Variants in CNTNAP2 observed in about 807,000 individuals in gnomAD.
CNTNAP2 encodes contactin associated protein 2.
A neutral mutation model predicts 155.2 loss-of-function variants in CNTNAP2; 98 were observed. The observed-to-expected ratio is 0.63, with a 90% CI of 0.54 to 0.75. The LOEUF is 0.75. CNTNAP2 is among the 30% of genes least tolerant of loss of function. The pLI is 0.00. For synonymous variants in CNTNAP2, 651 were observed against 631.2 expected, an observed-to-expected ratio of 1.03 and a Z score of -0.47; for missense variants, 1,727 against 1,688.1, an observed-to-expected ratio of 1.02 and a Z score of -0.40.
rs1273200092 is a variant in CNTNAP2, at chr7:146,843,248, A to G, written c.402+3344A>G. 1.9e-3 allele frequency among the ~76,000 whole-genome samples: 227 copies of G among 122,008 alleles called. 14 individuals carry two copies. Among genetic ancestry groups the G allele is most frequent in the Middle Eastern group, 0.012 (2 of 170 alleles). 80.0% of individuals were successfully genotyped at this position (122,008 alleles called of 152,430 possible). A position where few individuals can be genotyped will look rare whatever the true frequency, so the allele number is the denominator to read the frequency against. On this transcript the variant is annotated intron_variant, in intron 3 of 23. Transcript: ENST00000361727. The stretch of plus-strand genomic sequence containing the variant: ...AGGATGGTCTCGATCTCCTGACCTC[A>G]TGATCCACCCGCCTCGGCCTCCCAA...
In CNTNAP2 at chr7:146,905,413, T is replaced by C. The variant is rs113498902; in HGVS notation, c.402+65509T>C. On this transcript the variant is annotated intron_variant, in intron 3 of 23. Transcript: ENST00000361727. The stretch of plus-strand genomic sequence containing the variant: ...TTTAATTTCCTTGATACAGAATTCT[T>C]TCTACATTCTCTTCCTATTTGGAAG... Among the ~76,000 whole-genome samples, 756 of 152,276 alleles carry C rather than the reference T, an allele frequency of 5.0e-3. 9 individuals are homozygous for C. Among genetic ancestry groups the C allele is most frequent in the African/African-American group, 0.017 (689 of 41,544 alleles).
intron 11 of CNTNAP2, among the ~76,000 whole-genome samples, chr7:147,522,874 C>A (rs1007107246): frequency 2.0e-5 from 3 of 150,990 alleles, no homozygotes; most frequent in South Asian, 4.2e-4. Context: ...CCTGGGAATA[C>A]AATATATTTG....
intron 1 of CNTNAP2, among the ~76,000 whole-genome samples, chr7:146,611,545 A>G (rs1414967122): frequency 2.0e-5 from 3 of 152,198 alleles, no homozygotes; most frequent in African/African-American, 7.2e-5. Context: ...GTCTAAAATC[A>G]GGTATATCTG....
intron 1 of CNTNAP2, among the ~76,000 whole-genome samples, chr7:146,515,635 T>G (rs1797530056): frequency 6.6e-6 from 1 of 152,080 alleles, no homozygotes; most frequent in Admixed American, 6.6e-5. Context: ...CGCTAGAATA[T>G]TGAGGAACAA....
chr7:148,124,745 T>G (rs968979775), intron 16 of CNTNAP2, among the ~76,000 whole-genome samples: 2 of 152,040 alleles, frequency 1.3e-5, no homozygotes, highest in African/African-American at 4.8e-5. Flanking sequence ...GAGCATAGAG[T>G]TGACACTGCC....
At chr7:147,558,741 C>G (rs1800000872) in intron 11 of CNTNAP2, among the ~76,000 whole-genome samples, 1 of 115,646 alleles carries the variant, frequency 8.6e-6, no homozygotes, top group African/African-American at 3.2e-5. Flanking sequence ...TCCTTCCTTC[C>G]TTTCTTCCTT....
intron 3 of CNTNAP2, among the ~76,000 whole-genome samples, chr7:146,867,433 T>C (rs1005900994): frequency 6.6e-6 from 1 of 152,194 alleles, no homozygotes; most frequent in Non-Finnish European, 1.5e-5. Flanking sequence ...GATGGGAATT[T>C]AGGTTGATTT....
chr7:147,910,491 C>A (rs1275567523), intron 14 of CNTNAP2, among the ~76,000 whole-genome samples: 2 of 152,124 alleles, frequency 1.3e-5, no homozygotes, highest in East Asian at 3.9e-4. Flanking sequence ...CAACTTTAGA[C>A]TCATCCTTAG....
intron 10 of CNTNAP2, among the ~76,000 whole-genome samples, chr7:147,414,787 A>T (rs979805475): frequency 1.3e-5 from 2 of 151,778 alleles, no homozygotes; most frequent in African/African-American, 4.8e-5. Flanking sequence ...TAAAAATACA[A>T]AAAATTAGCT....
At position 148,419,971 on chromosome 7, in the gene CNTNAP2, G is replaced by C. The variant is rs1210516942; in HGVS notation, c.*4355G>C. 3 of 152,162 alleles carry C rather than the reference G, an allele frequency of 2.0e-5. No homozygotes were observed. The highest frequency in any genetic ancestry group is 4.4e-5 in the Non-Finnish European group (3 of 68,028). 9.4% of individuals were successfully genotyped at this position (152,162 alleles called of 1,614,324 possible). A position where few individuals can be genotyped will look rare whatever the true frequency, so the allele number is the denominator to read the frequency against. On this transcript the variant is annotated 3_prime_UTR_variant, in exon 24 of 24. Transcript: ENST00000361727. ...AAATACCTTGAAACCCTTATATAAA[G>C]ACTGAAGTCAACGGAGCCTAGTGAA...
At chr7:147,625,252 T>G (rs541519119) in intron 12 of CNTNAP2, among the ~76,000 whole-genome samples, 1 of 152,020 alleles carries the variant, frequency 6.6e-6, no homozygotes, top group Admixed American at 6.5e-5. Context: ...CTAAAAAGAG[T>G]CTAATTGGAT....
At position 146,760,409 on chromosome 7, in the gene CNTNAP2, C is replaced by CTTTTTTTTTTTTTTTT. The variant is rs532820418; in HGVS notation, c.98-13844_98-13829dup. On this transcript the variant is annotated intron_variant, in intron 1 of 23. Coordinates refer to ENST00000361727, the MANE Select transcript of CNTNAP2 (RefSeq NM_014141.6). ...CACCTCTGTATCATCTCCAATTTAC[C>CTTTTTTTTTTTTTTTT]TTTTTTTTTTTTTTTTTTTTTTTTT... Among the ~76,000 whole-genome samples, 418 of 56,300 alleles carry CTTTTTTTTTTTTTTTT rather than the reference C, an allele frequency of 7.4e-3. 50 individuals are homozygous for CTTTTTTTTTTTTTTTT. Among genetic ancestry groups the CTTTTTTTTTTTTTTTT allele is most frequent in the East Asian group, 8.8e-3 (11 of 1,244 alleles). 36.9% of individuals were successfully genotyped at this position (56,300 alleles called of 152,430 possible).
intron 13 of CNTNAP2, among the ~76,000 whole-genome samples, chr7:147,833,349 G>A (rs1003181107): frequency 6.6e-6 from 1 of 152,132 alleles, no homozygotes. Flanking sequence ...TAATCTCTCC[G>A]AGCTTCAACC....
chr7:147,250,128 T>A (rs1804162875), intron 8 of CNTNAP2, among the ~76,000 whole-genome samples: 1 of 152,154 alleles, frequency 6.6e-6, no homozygotes, highest in Non-Finnish European at 1.5e-5. Context: ...GGTCTTACTC[T>A]TCACAAGCTC....
intron 10 of CNTNAP2, among the ~76,000 whole-genome samples, chr7:147,411,345 A>T (rs13231991): frequency 6.6e-6 from 1 of 152,210 alleles, no homozygotes; most frequent in South Asian, 2.1e-4. Flanking sequence ...CTAGTAAAGT[A>T]TCTGTCAGTT....
chr7:147,721,731 G>A (rs1584919320), intron 13 of CNTNAP2, among the ~76,000 whole-genome samples: 2 of 152,030 alleles, frequency 1.3e-5, no homozygotes, highest in African/African-American at 4.8e-5. Flanking sequence ...AGGAAATTAA[G>A]TATGAAATTC....
At chr7:147,883,657 A>C (rs1799559318) in intron 13 of CNTNAP2, among the ~76,000 whole-genome samples, 1 of 152,236 alleles carries the variant, frequency 6.6e-6, no homozygotes, top group Non-Finnish European at 1.5e-5. Flanking sequence ...GTGAAATCCA[A>C]TTTCAACTGA....
rs758146566 is a variant in CNTNAP2, at chr7:148,409,465, A to G, written c.3790A>G (p.Ile1264Val). Residue 1264 changes from isoleucine to valine, a missense_variant, in exon 23 of 24, where the codon ATT (isoleucine) becomes GTT (valine). Transcript: ENST00000361727. ...TGGAGTCAACAGAAACTCGGCTATC[A>G]TTGGAGGTAGGTGATGTCTAGAGGA... ...RNGVNRNSAI[I>V]GGVIAVVIFT... is the part of the protein sequence containing the mutation. 1.2e-6 allele frequency: 2 copies of G among 1,613,838 alleles called. No individual in the cohort carries two copies. The highest frequency in any genetic ancestry group is 1.7e-6 in the Non-Finnish European group (2 of 1,179,750).
chr7:146,844,599 C>G (rs997165183), intron 3 of CNTNAP2, among the ~76,000 whole-genome samples: 26 of 151,996 alleles, frequency 1.7e-4, no homozygotes, highest in Non-Finnish European at 2.2e-4. Flanking sequence ...CAGGCTTTTG[C>G]TAAGAGGCCT....
Sources: allele counts gnomAD v4.1 joint callset (sites outside exome capture counted in the v4.1 genomes callset), GRCh38; gene constraint gnomAD v4.1.1; transcripts MANE v1.5; gene names NCBI Gene and HGNC (gene_info 2026-07-23, HGNC 2026-07-21).